Variants in PDE1C observed in about 807,000 individuals in gnomAD.
PDE1C encodes dual specificity calcium/calmodulin-dependent 3',5'-cyclic nucleotide phosphodiesterase 1C.
Under a neutral mutation model 93.1 loss-of-function variants are expected in PDE1C, and 62 were observed. The ratio of observed to expected loss-of-function variants is 0.67; its 90% CI spans 0.54 to 0.82. The LOEUF (loss-of-function observed/expected upper bound fraction) is 0.82, where lower values mean the gene tolerates loss of function less well. PDE1C is among the 40% of genes least tolerant of loss of function. PDE1C has a pLI of 0.00. For missense variants in PDE1C, 742 were observed against 884.6 expected, an observed-to-expected ratio of 0.84 and a Z score of 2.04; for synonymous variants, 325 against 310.1, an observed-to-expected ratio of 1.05 and a Z score of -0.50.
intron 2 of PDE1C, among the ~76,000 whole-genome samples, chr7:32,048,629 G>C (rs374805645): frequency 6.6e-6 from 1 of 152,126 alleles, no homozygotes; most frequent in Admixed American, 6.5e-5. Context: ...GTTGACACCA[G>C]GTGGATCAGA....
chr7:32,264,937 C>T (rs1183324601), intron 1 of PDE1C, among the ~76,000 whole-genome samples: 4 of 152,232 alleles, frequency 2.6e-5, no homozygotes, highest in Non-Finnish European at 4.4e-5. Flanking sequence ...CTACAATGTC[C>T]TCTATTGTCT....
Position 31,953,656 on chromosome 7 carries a change from A to T in PDE1C, c.129-72796T>A, listed in dbSNP as rs568962004. 5.3e-5 allele frequency among the ~76,000 whole-genome samples: 8 copies of T among 152,280 alleles called. 1 individual carries two copies. In the East Asian group the frequency reaches 1.2e-3, roughly 22 times the overall value. ...GACACAGGAGCCCCATTCTGAGAGAAATGCATGTTGACAGCAGAATTGCAG... is the reference window on the plus strand; with the variant it reads ...GACACAGGAGCCCCATTCTGAGAGATATGCATGTTGACAGCAGAATTGCAG... On this transcript the variant is annotated intron_variant, in intron 2 of 17. Coordinates refer to ENST00000396191, the MANE Select transcript of PDE1C (RefSeq NM_001191057.4).
chr7:32,397,909 C>T (rs574054821), intron 1 of PDE1C, among the ~76,000 whole-genome samples: 1 of 150,126 alleles, frequency 6.7e-6, no homozygotes, highest in Non-Finnish European at 1.5e-5. Flanking sequence ...AATCCCAGCA[C>T]TTTGGGAGGC....
At chr7:31,623,622 T>G in the PDE1C span, among the ~76,000 whole-genome samples, 1 of 130,198 alleles carries the variant, frequency 7.7e-6, no homozygotes. Flanking sequence ...ATAAGAGCTA[T>G]CTATGACAAA....
intron 1 of PDE1C, among the ~76,000 whole-genome samples, chr7:32,412,821 C>T (rs2128098215): frequency 6.6e-6 from 1 of 152,292 alleles, no homozygotes; most frequent in Non-Finnish European, 1.5e-5. Flanking sequence ...CATGCAGCAT[C>T]ATAGAAAGCT....
chr7:32,382,897 A>G (rs1302990587), intron 1 of PDE1C, among the ~76,000 whole-genome samples: 1 of 152,092 alleles, frequency 6.6e-6, no homozygotes, highest in Non-Finnish European at 1.5e-5. Context: ...CACCCTGTGG[A>G]CCTCTCTGCT....
intron 2 of PDE1C, among the ~76,000 whole-genome samples, chr7:31,928,403 C>A (rs1803687668): frequency 6.6e-6 from 1 of 152,060 alleles, no homozygotes; most frequent in Non-Finnish European, 1.5e-5. Context: ...GCAAGACAGC[C>A]AAACATTCAA....
At chr7:31,685,657 A>C in the PDE1C span, among the ~76,000 whole-genome samples, 1 of 152,212 alleles carries the variant, frequency 6.6e-6, no homozygotes, top group Admixed American at 6.5e-5. Flanking sequence ...ACCATGGCAC[A>C]CGTTTACCTA....
At chr7:31,918,850 T>A (rs2128954617) in intron 2 of PDE1C, among the ~76,000 whole-genome samples, 1 of 152,306 alleles carries the variant, frequency 6.6e-6, no homozygotes, top group Non-Finnish European at 1.5e-5. Context: ...AAGCCTCTAC[T>A]ATACTATGTG....
At chr7:32,353,765 T>C (rs565327082) in intron 1 of PDE1C, among the ~76,000 whole-genome samples, 88 of 152,192 alleles carry the variant, frequency 5.8e-4, no homozygotes, top group African/African-American at 2.1e-3. Context: ...GTTTATGAAA[T>C]GATATAGAAG....
At chr7:32,402,075 A>G (rs1784955190) in intron 1 of PDE1C, among the ~76,000 whole-genome samples, 1 of 152,152 alleles carries the variant, frequency 6.6e-6, no homozygotes, top group Admixed American at 6.6e-5. Flanking sequence ...TCCCTATTTA[A>G]TAAAGCAGGA....
chr7:31,632,223 T>C, the PDE1C span, among the ~76,000 whole-genome samples: 1 of 151,880 alleles, frequency 6.6e-6, no homozygotes, highest in Non-Finnish European at 1.5e-5. Flanking sequence ...CTGAGGCAGG[T>C]GGATCATGAG....
chr7:31,891,442 G>T (rs891981647), intron 2 of PDE1C, among the ~76,000 whole-genome samples: 4 of 152,008 alleles, frequency 2.6e-5, no homozygotes, highest in South Asian at 2.1e-4. Flanking sequence ...ATGGAATGTT[G>T]TATATTAAAG....
At chr7:32,298,876 C>CT (rs1812799822) in exon 1 of PDE1C, 1 of 1,375,360 alleles carries the variant, frequency 7.3e-7, no homozygotes, top group South Asian at 1.7e-5. Context: ...CCGCCGCGCG[C>CT]TGGCAGCTGA....
chr7:32,162,928 A>G (rs975758154), intron 3 of PDE1C, among the ~76,000 whole-genome samples: 1 of 152,164 alleles, frequency 6.6e-6, no homozygotes, highest in African/African-American at 2.4e-5. Flanking sequence ...ATTTTTTAAC[A>G]CTGGAAGATC....
the PDE1C span, among the ~76,000 whole-genome samples, chr7:31,671,176 T>C: frequency 9.9e-5 from 15 of 152,186 alleles, no homozygotes; most frequent in Non-Finnish European, 1.6e-4. Context: ...TTCACTGAGC[T>C]GTTAACACTT....
the PDE1C span, chr7:31,658,286 C>A: frequency 1.3e-6 from 2 of 1,503,110 alleles, no homozygotes. Flanking sequence ...TTATTGTCTG[C>A]AGAGCTGGAT....
intron 1 of PDE1C, among the ~76,000 whole-genome samples, chr7:32,350,538 C>A (rs1783942509): frequency 6.8e-6 from 1 of 147,426 alleles, no homozygotes. Context: ...CTATGCATGG[C>A]ATTTGACTAA....
chr7:31,949,522 T>A (rs1032042743), intron 2 of PDE1C, among the ~76,000 whole-genome samples: 2 of 152,182 alleles, frequency 1.3e-5, no homozygotes, highest in African/African-American at 4.8e-5. Context: ...CTTAGATATA[T>A]GTTTTCACTT....
Sources: gnomAD v4.1 joint callset for allele counts (sites outside exome capture counted in the v4.1 genomes callset) on GRCh38, gnomAD v4.1.1 for gene constraint, MANE v1.5 for transcripts, NCBI Gene and HGNC (gene_info 2026-07-23, HGNC 2026-07-21) for gene names.